Variants in ATPAF2 observed in about 807,000 individuals in gnomAD.
ATPAF2 encodes the protein ATP12 homolog.
ATPAF2 carries 30 observed loss-of-function variants against 36.6 expected under a neutral mutation model. The ratio of observed to expected loss-of-function variants is 0.82; its 90% CI spans 0.61 to 1.11. ATPAF2 has a LOEUF of 1.11. Among genes scored for constraint, ATPAF2 ranks in the 50% most tolerant of loss-of-function variants. The pLI is 0.00. For missense variants in ATPAF2, 321 were observed against 372.3 expected, an observed-to-expected ratio of 0.86 and a Z score of 1.13; for synonymous variants, 140 against 152.6, an observed-to-expected ratio of 0.92 and a Z score of 0.61.
intron 5 of ATPAF2, among the ~76,000 whole-genome samples, chr17:18,023,463 C>G (rs2044501113): frequency 6.6e-6 from 1 of 152,168 alleles, no homozygotes; most frequent in Non-Finnish European, 1.5e-5. Flanking sequence ...GCTGAAATTC[C>G]TAATAGTACA....
intron 3 of ATPAF2, 28 bp downstream of exon 3, chr17:18,028,204 G>A (rs1293132898): frequency 6.2e-7 from 1 of 1,614,104 alleles, no homozygotes; most frequent in Non-Finnish European, 8.5e-7. Flanking sequence ...GGGTCTCAGG[G>A]TCCAGGTTCA....
downstream of ATPAF2, chr17:18,016,065 T>G: frequency 1.9e-6 from 3 of 1,613,344 alleles, no homozygotes; most frequent in South Asian, 2.2e-5. Context: ...ACTCACCAGC[T>G]TTTTGTCGAT....
intron 1 of ATPAF2, among the ~76,000 whole-genome samples, chr17:18,036,949 T>C (rs2044711408): frequency 6.6e-6 from 1 of 152,040 alleles, no homozygotes; most frequent in Non-Finnish European, 1.5e-5. Flanking sequence ...CGGACACCTG[T>C]AATCCCAGCT....
At chr17:18,018,784 AC>A in intron 7 of ATPAF2, 98 bp from the exon 8 acceptor site, 1 of 1,575,608 alleles carries the variant, frequency 6.3e-7, no homozygotes, top group Non-Finnish European at 8.7e-7. Flanking sequence ...GCTGAGGGCA[AC>A]AGGTTTGTAT....
At chr17:18,019,575 CT>C (rs1435129353) in intron 7 of ATPAF2, among the ~76,000 whole-genome samples, 2 of 152,274 alleles carry the variant, frequency 1.3e-5, no homozygotes, top group Admixed American at 1.3e-4. Flanking sequence ...TGCAGATTCT[CT>C]GTCTGGAGCT....
intron 7 of ATPAF2, among the ~76,000 whole-genome samples, chr17:18,020,109 T>TTTG (rs1448800603): frequency 3.9e-5 from 2 of 50,640 alleles, no homozygotes; most frequent in Admixed American, 2.7e-4. Flanking sequence ...TTTGTGTTTT[T>TTTG]TTGTTTGTTT....
chr17:18,018,766 A>G lies in ATPAF2; in HGVS notation c.733-80T>C. 4 of 1,605,750 alleles carry G rather than the reference A, an allele frequency of 2.5e-6. No homozygotes were observed. In the South Asian group the frequency reaches 4.4e-5, roughly 18 times the overall value. ...CTGACCAAAGCCACGTTCCATTCCA[A>G]TAGGTTGGCTGAGGGCAACAGGTTT... On this transcript the variant is annotated intron_variant, in intron 7 of 7. Transcript: ENST00000474627.
At chr17:18,026,240 T>G in intron 4 of ATPAF2, 79 bp downstream of exon 4, 1 of 1,335,590 alleles carries the variant, frequency 7.5e-7, no homozygotes, top group Non-Finnish European at 1.1e-6. Context: ...GAGGGTTTCT[T>G]CTTCCACTGA....
intron 1 of ATPAF2, among the ~76,000 whole-genome samples, chr17:18,038,640 G>A (rs1224741049): frequency 1.3e-5 from 2 of 152,202 alleles, no homozygotes; most frequent in Non-Finnish European, 2.9e-5. Context: ...GCAGCCATAA[G>A]CTTTGAGAAA....
downstream of ATPAF2, chr17:18,016,730 G>A (rs770191810): frequency 1.1e-5 from 13 of 1,130,674 alleles, 1 homozygote; most frequent in South Asian, 1.6e-4. Flanking sequence ...CCAGGAGAAG[G>A]AAGTGCACAC....
intron 1 of ATPAF2, among the ~76,000 whole-genome samples, chr17:18,035,703 A>G (rs2044693905): frequency 6.6e-6 from 1 of 152,266 alleles, no homozygotes; most frequent in African/African-American, 2.4e-5. Flanking sequence ...GCCATAGATG[A>G]TATGTAAATG....
chr17:18,038,982 C>A lies in ATPAF2; in HGVS notation c.32G>T (p.Gly11Val). 6.2e-7 allele frequency: 1 copy of A among 1,611,866 alleles called. No homozygotes were observed. The highest frequency in any genetic ancestry group is 1.3e-5 in the African/African-American group (1 of 75,008). Residue 11 changes from glycine to valine, a missense_variant, in exon 1 of 8, where the codon GGG (glycine) becomes GTG (valine). Coordinates refer to ENST00000474627, the MANE Select transcript of ATPAF2 (RefSeq NM_145691.4). ...CGGCCGATTCAGGAGACGGCGTCCC[C>A]CGTCCCGCAGCCGGAGGCAGCTCCT... is the stretch of plus-strand genomic sequence containing the variant. Reference protein sequence around the residue: MWRSCLRLRDGGRRLLNRPAG... With the variant: MWRSCLRLRDVGRRLLNRPAG...
At chr17:18,022,106 T>C (rs2044478574) in intron 5 of ATPAF2, among the ~76,000 whole-genome samples, 1 of 152,214 alleles carries the variant, frequency 6.6e-6, no homozygotes. Context: ...TCATGTGAGC[T>C]AGGGCTCGGT....
intron 3 of ATPAF2, chr17:18,026,807 C>T (rs1046341669): frequency 3.4e-6 from 1 of 291,066 alleles, no homozygotes. Flanking sequence ...AGTACATTGT[C>T]AAATACAGTT....
At chr17:18,033,145 GATC>G (rs1448535958) in intron 1 of ATPAF2, among the ~76,000 whole-genome samples, 4 of 152,060 alleles carry the variant, frequency 2.6e-5, no homozygotes, top group African/African-American at 7.2e-5. Context: ...GAGGGGGACA[GATC>G]ACTTAAAGCC....
At chr17:18,028,418 T>A (rs1461108140) in intron 2 of ATPAF2, 41 bp from the exon 3 acceptor site, 1 of 1,608,590 alleles carries the variant, frequency 6.2e-7, no homozygotes, top group South Asian at 1.1e-5. Flanking sequence ...ATTTGTTAAG[T>A]GGAATCAAGT....
chr17:18,032,885 G>C (rs2145516811), intron 1 of ATPAF2, among the ~76,000 whole-genome samples: 1 of 150,072 alleles, frequency 6.7e-6, no homozygotes, highest in South Asian at 2.1e-4. Context: ...GTAGTTTCCA[G>C]ATGAAGAAAC....
chr17:18,019,335 G>C (rs2044435113), intron 7 of ATPAF2, among the ~76,000 whole-genome samples: 1 of 152,248 alleles, frequency 6.6e-6, no homozygotes, highest in Non-Finnish European at 1.5e-5. Flanking sequence ...CCACCCATGT[G>C]ACTTCTTTGA....
intron 3 of ATPAF2, among the ~76,000 whole-genome samples, chr17:18,027,514 T>C (rs2044565271): frequency 6.6e-6 from 1 of 152,146 alleles, no homozygotes; most frequent in Non-Finnish European, 1.5e-5. Flanking sequence ...TGACCACAGC[T>C]CCGTGAGGTG....
Sources: gnomAD v4.1 joint callset for allele counts (sites outside exome capture counted in the v4.1 genomes callset) on GRCh38, gnomAD v4.1.1 for gene constraint, MANE v1.5 for transcripts, NCBI Gene and HGNC (gene_info 2026-07-23, HGNC 2026-07-21) for gene names.